RBMS3: variants seen among roughly 807,000 people sequenced by gnomAD.
RBMS3 encodes RNA binding motif single stranded interacting protein 3.
A neutral mutation model predicts 66.8 loss-of-function variants in RBMS3; 27 were observed. The ratio of observed to expected loss-of-function variants is 0.40; its 90% CI spans 0.30 to 0.56. The LOEUF (loss-of-function observed/expected upper bound fraction) is 0.56. Among genes scored for constraint, RBMS3 ranks in the 20% least tolerant of loss-of-function variants. RBMS3 has a pLI of 0.40. For synonymous variants in RBMS3, 188 were observed against 183.0 expected, an observed-to-expected ratio of 1.03 and a Z score of -0.22; for missense variants, 513 against 549.5, an observed-to-expected ratio of 0.93 and a Z score of 0.66.
chr3:29,950,739 C>G (rs1048104466), intron 12 of RBMS3, among the ~76,000 whole-genome samples: 8 of 151,782 alleles, frequency 5.3e-5, no homozygotes, highest in Non-Finnish European at 1.0e-4. Context: ...ATTTTAACCT[C>G]TTCTTTGAGA....
At chr3:29,574,013 A>G (rs1316444537) in intron 3 of RBMS3, among the ~76,000 whole-genome samples, 1 of 152,210 alleles carries the variant, frequency 6.6e-6, no homozygotes, top group African/African-American at 2.4e-5. Context: ...CCACATGATG[A>G]GGAGAAAATT....
At chr3:29,471,423 T>C (rs952602230) in intron 2 of RBMS3, among the ~76,000 whole-genome samples, 1 of 152,184 alleles carries the variant, frequency 6.6e-6, no homozygotes, top group Admixed American at 6.6e-5. Flanking sequence ...GACATAAATA[T>C]ATCAACTTTT....
intron 6 of RBMS3, among the ~76,000 whole-genome samples, chr3:29,810,107 C>A (rs1369445355): frequency 6.6e-6 from 1 of 151,914 alleles, no homozygotes; most frequent in Non-Finnish European, 1.5e-5. Context: ...TTATAGTATA[C>A]GCTTTGTTAA....
intron 4 of RBMS3, among the ~76,000 whole-genome samples, chr3:29,692,844 CTT>C (rs1373986088): frequency 6.6e-6 from 1 of 152,136 alleles, no homozygotes; most frequent in Non-Finnish European, 1.5e-5. Context: ...ATCATGCTCT[CTT>C]TTCTTTAGGA....
In RBMS3 at chr3:29,443,877, G is replaced by T. The variant is rs1265767068; in HGVS notation, c.248+8962G>T. Among the ~76,000 whole-genome samples, 10 of 152,116 alleles carry T rather than the reference G, an allele frequency of 6.6e-5. No homozygotes were observed. In the East Asian group the frequency reaches 1.5e-3, roughly 23 times the overall value. On this transcript the variant is annotated intron_variant, in intron 2 of 14. Coordinates refer to ENST00000383767, the MANE Select transcript of RBMS3 (RefSeq NM_001003793.3). ...AGGGTTAAGAGAAAGAGAAATTAGG[G>T]ATAACGCCTTAACTCTTAGCTTGAG...
chr3:29,518,827 GAATT>G lies in RBMS3; in HGVS notation c.307+30334_307+30337del, dbSNP rs138021324. Among the ~76,000 whole-genome samples, 348 of 152,214 alleles carry G rather than the reference GAATT, an allele frequency of 2.3e-3. 1 individual carries two copies. The highest frequency in any genetic ancestry group is 8.0e-3 in the African/African-American group (334 of 41,532). ...GCAAAGTATCCACTTCCCTTATAAA[GAATT>G]AATTATGATGTTCACTAAAAACAAA... On this transcript the variant is annotated intron_variant, in intron 3 of 14. Coordinates refer to ENST00000383767, the MANE Select transcript of RBMS3 (RefSeq NM_001003793.3).
chr3:29,902,191 T>C (rs1287851254), intron 10 of RBMS3, among the ~76,000 whole-genome samples: 3 of 151,894 alleles, frequency 2.0e-5, no homozygotes, highest in Non-Finnish European at 4.4e-5. Flanking sequence ...TTCTCATCTG[T>C]AACATGGACA....
In RBMS3 at chr3:29,762,949, T is replaced by C. The variant is rs141691907; in HGVS notation, c.597T>C (p.His199=). The C allele has an allele frequency of 2.7e-4, 429 of 1,610,576 alleles. 2 individuals are homozygous for C. The African/African-American group carries it at 4.7e-3, about 18-fold the overall frequency. The change falls in exon 6 of 15, where the codon CAT becomes CAC. Residue 199 remains histidine (H), a synonymous_variant. Transcript: ENST00000383767. ...AAAAATGTGAAGTGGTAATTCAACA[T>C]TTTAATGGAAAATATCTGAAAACAC... ...STEKCEVVIQ[H]FNGKYLKTPP... is the part of the protein sequence containing the mutation.
chr3:29,312,247 T>C (rs1376766254), intron 1 of RBMS3, among the ~76,000 whole-genome samples: 1 of 151,356 alleles, frequency 6.6e-6, no homozygotes, highest in Non-Finnish European at 1.5e-5. Context: ...ATCAGAAATG[T>C]AAAATCCAAC....
chr3:29,908,298 T>C (rs947031160), intron 10 of RBMS3, among the ~76,000 whole-genome samples: 1 of 152,002 alleles, frequency 6.6e-6, no homozygotes, highest in Non-Finnish European at 1.5e-5. Flanking sequence ...TGTATGATCA[T>C]GATCATGAAG....
intron 6 of RBMS3, among the ~76,000 whole-genome samples, chr3:29,807,943 T>C (rs1316495393): frequency 6.6e-6 from 1 of 151,912 alleles, no homozygotes; most frequent in Non-Finnish European, 1.5e-5. Flanking sequence ...AAATTGTCTT[T>C]GTATATGCAA....
intron 5 of RBMS3, 31 bp from the exon 6 acceptor site, chr3:29,762,879 A>G (rs759322513): frequency 7.7e-6 from 11 of 1,423,386 alleles, no homozygotes; most frequent in Middle Eastern, 1.8e-4. Flanking sequence ...TGACAACCAT[A>G]TATGACCTCT....
At chr3:29,436,323 T>A (rs34864379) in intron 2 of RBMS3, among the ~76,000 whole-genome samples, 8 of 152,184 alleles carry the variant, frequency 5.3e-5, no homozygotes, top group Admixed American at 4.6e-4. Context: ...TCTAATTGTT[T>A]GACAAAACAG....
chr3:29,578,729 G>A (rs575078336), intron 3 of RBMS3, among the ~76,000 whole-genome samples: 1 of 151,772 alleles, frequency 6.6e-6, no homozygotes, highest in East Asian at 1.9e-4. Context: ...ACAAGTTGGC[G>A]GAGGGAATAT....
At chr3:29,389,005 C>A (rs2039150414) in intron 1 of RBMS3, among the ~76,000 whole-genome samples, 1 of 152,154 alleles carries the variant, frequency 6.6e-6, no homozygotes, top group Non-Finnish European at 1.5e-5. Flanking sequence ...GGAATCATCT[C>A]TTGATTTTTT....
chr3:29,377,101 AAAG>A (rs1210173132), intron 1 of RBMS3, among the ~76,000 whole-genome samples: 2 of 152,054 alleles, frequency 1.3e-5, no homozygotes, highest in South Asian at 2.1e-4. Flanking sequence ...GAAAAAAAAA[AAAG>A]AAAAGCAAAG....
At chr3:29,992,530 C>T (rs1211050988) in intron 14 of RBMS3, among the ~76,000 whole-genome samples, 1 of 151,932 alleles carries the variant, frequency 6.6e-6, no homozygotes, top group Admixed American at 6.6e-5. Flanking sequence ...ACCCGGGAGG[C>T]GGAGCAGCTT....
intron 1 of RBMS3, among the ~76,000 whole-genome samples, chr3:29,316,218 C>G (rs947937126): frequency 1.3e-5 from 2 of 151,646 alleles, no homozygotes; most frequent in African/African-American, 2.4e-5. Flanking sequence ...CTTCTTCTAG[C>G]CTATCACCCA....
intron 1 of RBMS3, among the ~76,000 whole-genome samples, chr3:29,425,802 G>T (rs1432848002): frequency 6.6e-6 from 1 of 152,128 alleles, no homozygotes; most frequent in African/African-American, 2.4e-5. Context: ...CATTGACATG[G>T]TTGGCTAGCC....
Sources: allele counts gnomAD v4.1 joint callset (sites outside exome capture counted in the v4.1 genomes callset), GRCh38; gene constraint gnomAD v4.1.1; transcripts MANE v1.5; gene names NCBI Gene and HGNC (gene_info 2026-07-23, HGNC 2026-07-21).